Variants in ADAM19 observed in about 807,000 individuals in gnomAD.
ADAM19 encodes ADAM metallopeptidase domain 19, also known as disintegrin and metalloproteinase domain-containing protein 19.
Under a neutral mutation model 114.7 loss-of-function variants are expected in ADAM19, and 65 were observed. The ratio of observed to expected loss-of-function variants is 0.57; its 90% CI spans 0.46 to 0.70. The LOEUF is 0.70. Ranked by LOEUF, ADAM19 falls within the 30% of genes least tolerant of loss-of-function variation. The pLI is 0.00. For synonymous variants in ADAM19, 466 were observed against 460.5 expected, an observed-to-expected ratio of 1.01 and a Z score of -0.15; for missense variants, 1,063 against 1,204.7, an observed-to-expected ratio of 0.88 and a Z score of 1.74.
chr5:157,480,571 G>A lies in ADAM19; in HGVS notation c.*378C>T. The A allele has an allele frequency of 1.9e-6, 2 of 1,078,716 alleles. No individual in the cohort carries two copies. The highest frequency in any genetic ancestry group is 2.3e-6 in the Non-Finnish European group (2 of 887,158). 66.8% of individuals were successfully genotyped at this position (1,078,716 alleles called of 1,614,324 possible). Reference sequence around the variant, plus strand: ...GCTCTCTTGCGTGCCCTGCACCCCAGGAGTGAATGGATGGCTTCTGCAAGC... The same window carrying A: ...GCTCTCTTGCGTGCCCTGCACCCCAAGAGTGAATGGATGGCTTCTGCAAGC... On this transcript the variant is annotated 3_prime_UTR_variant, in exon 23 of 23. Coordinates refer to ENST00000257527, the MANE Select transcript of ADAM19 (RefSeq NM_033274.5).
intron 1 of ADAM19, 58 bp from the exon 2 acceptor site, chr5:157,571,038 C>T: frequency 6.8e-7 from 1 of 1,465,588 alleles, no homozygotes; most frequent in Non-Finnish European, 9.5e-7. Flanking sequence ...CCAGCTAAGC[C>T]ACACATGCAC....
chr5:157,494,805 C>A lies in ADAM19; in HGVS notation c.1595-10G>T. ...GGGGCAGGTCGGGCTCCTGGGTGGG[C>A]AAGCAACATCTATCAGTATACTCAT... On this transcript the variant is annotated splice_polypyrimidine_tract_variant and intron_variant, in intron 14 of 22. Coordinates refer to ENST00000257527, the MANE Select transcript of ADAM19 (RefSeq NM_033274.5). 6.2e-7 allele frequency: 1 copy of A among 1,610,364 alleles called. No homozygotes were observed. The highest frequency in any genetic ancestry group is 2.2e-5 in the East Asian group (1 of 44,770).
intron 6 of ADAM19, among the ~76,000 whole-genome samples, chr5:157,519,504 C>T (rs1292253797): frequency 6.6e-6 from 1 of 152,120 alleles, no homozygotes; most frequent in Admixed American, 6.5e-5. Flanking sequence ...AGGCTGGACT[C>T]AAACTCCTGG....
intron 3 of ADAM19, among the ~76,000 whole-genome samples, chr5:157,552,778 G>A (rs1255605713): frequency 6.6e-6 from 1 of 151,570 alleles, no homozygotes; most frequent in African/African-American, 2.4e-5. Context: ...AGATTTGGAA[G>A]CAACCTAAGT....
chr5:157,565,710 CAAA>C (rs111680236), intron 2 of ADAM19, among the ~76,000 whole-genome samples: 2 of 103,768 alleles, frequency 1.9e-5, no homozygotes, highest in East Asian at 2.7e-4. Context: ...CACTCTCTCT[CAAA>C]AAAAAAAAAA....
chr5:157,543,938 A>T (rs867626235), intron 3 of ADAM19, among the ~76,000 whole-genome samples: 1 of 152,232 alleles, frequency 6.6e-6, no homozygotes, highest in Non-Finnish European at 1.5e-5. Context: ...CTGAAAGAAA[A>T]GCAGGGAAGA....
chr5:157,513,166 A>T (rs1755973779), intron 8 of ADAM19, among the ~76,000 whole-genome samples: 1 of 152,266 alleles, frequency 6.6e-6, no homozygotes, highest in Non-Finnish European at 1.5e-5. Flanking sequence ...AAATAACAAA[A>T]AAAAACCACA....
chr5:157,510,503 G>A lies in ADAM19; in HGVS notation c.739-1036C>T, dbSNP rs57311521. On this transcript the variant is annotated intron_variant, in intron 8 of 22. Coordinates refer to ENST00000257527, the MANE Select transcript of ADAM19 (RefSeq NM_033274.5). Reference sequence around the variant, plus strand: ...AAAATAAAAATAAAATAAAGCCATCGCCATCATCCAGTGTTAGAATATTTT... The same window carrying A: ...AAAATAAAAATAAAATAAAGCCATCACCATCATCCAGTGTTAGAATATTTT... Among the ~76,000 whole-genome samples the A allele has an allele frequency of 7.0e-4, 106 of 152,242 alleles. 1 individual carries two copies. Among genetic ancestry groups the A allele is most frequent in the African/African-American group, 2.5e-3 (102 of 41,554 alleles).
At chr5:157,556,509 A>C (rs1436857832) in intron 3 of ADAM19, among the ~76,000 whole-genome samples, 1 of 152,054 alleles carries the variant, frequency 6.6e-6, no homozygotes, top group South Asian at 2.1e-4. Flanking sequence ...GTGAGCCACC[A>C]TGCCCGGCCT....
intron 3 of ADAM19, among the ~76,000 whole-genome samples, chr5:157,558,562 T>G (rs960637470): frequency 2.0e-5 from 3 of 152,196 alleles, no homozygotes; most frequent in African/African-American, 7.2e-5. Flanking sequence ...TGCTCTTTGA[T>G]CCAGGAAATT....
intron 8 of ADAM19, among the ~76,000 whole-genome samples, chr5:157,513,188 G>A (rs184580993): frequency 2.1e-4 from 32 of 152,040 alleles, no homozygotes; most frequent in East Asian, 9.7e-4. Context: ...ATTGATTTAC[G>A]ACAGCCTTTC....
intron 11 of ADAM19, among the ~76,000 whole-genome samples, 160 bp from the exon 12 acceptor site, chr5:157,503,140 A>C (rs915880875): frequency 6.6e-6 from 1 of 152,176 alleles, no homozygotes; most frequent in South Asian, 2.1e-4. Flanking sequence ...TAGAACATTT[A>C]CCAATACATT....
chr5:157,477,718 G>T lies in ADAM19; in HGVS notation c.*3231C>A. The T allele has an allele frequency of 7.8e-7, 1 of 1,289,710 alleles. No homozygotes were observed. The highest frequency in any genetic ancestry group is 1.2e-5 in the South Asian group (1 of 81,030). The allele number at this position is 1,289,710 out of a possible 1,614,324, so 79.9% of individuals were successfully genotyped here. ...GGAACTGGTCCCCAGTTTTCAAATTGCAAGTCTTCCATACCCTCTGTCAAA... is the reference window on the plus strand; with the variant it reads ...GGAACTGGTCCCCAGTTTTCAAATTTCAAGTCTTCCATACCCTCTGTCAAA... On this transcript the variant is annotated 3_prime_UTR_variant, in exon 23 of 23. Transcript: ENST00000257527.
intron 7 of ADAM19, among the ~76,000 whole-genome samples, chr5:157,516,879 A>C (rs1033928775): frequency 4.6e-5 from 7 of 152,040 alleles, no homozygotes; most frequent in African/African-American, 1.7e-4. Context: ...TGCTCCCCAC[A>C]CTATTCCCCC....
chr5:157,484,557 TG>T (rs1754869944), intron 21 of ADAM19, among the ~76,000 whole-genome samples: 1 of 151,980 alleles, frequency 6.6e-6, no homozygotes, highest in Admixed American at 6.5e-5. Flanking sequence ...CGTATTAAAG[TG>T]GACAAAAGGC....
At chr5:157,492,911 C>T (rs1755223125) in intron 16 of ADAM19, 62 bp downstream of exon 16, 1 of 1,575,956 alleles carries the variant, frequency 6.3e-7, no homozygotes, top group East Asian at 2.2e-5. Flanking sequence ...TTCCCTCAGA[C>T]CTCACTTCTC....
chr5:157,538,601 C>T (rs767673068), intron 3 of ADAM19, among the ~76,000 whole-genome samples: 1 of 152,190 alleles, frequency 6.6e-6, no homozygotes, highest in Non-Finnish European at 1.5e-5. Flanking sequence ...CCTGCCCTTT[C>T]GGACACTTAG....
chr5:157,507,220 C>A, intron 9 of ADAM19, 80 bp from the exon 10 acceptor site: 1 of 1,425,234 alleles, frequency 7.0e-7, no homozygotes, highest in South Asian at 1.2e-5. Flanking sequence ...AAGTGGCCAT[C>A]ACGGGGTTCC....
intron 22 of ADAM19, chr5:157,481,526 G>C: frequency 7.8e-7 from 1 of 1,281,062 alleles, no homozygotes. Context: ...AGAGGGACTT[G>C]CTCAGGGTCC....
Sources: gnomAD v4.1 joint callset for allele counts (sites outside exome capture counted in the v4.1 genomes callset) on GRCh38, gnomAD v4.1.1 for gene constraint, MANE v1.5 for transcripts, NCBI Gene and HGNC (gene_info 2026-07-23, HGNC 2026-07-21) for gene names.